The following KALRN variants were observed in gnomAD, a reference collection of about 807,000 sequenced individuals.
The protein encoded by KALRN is kalirin RhoGEF kinase.
A neutral mutation model predicts 353.7 loss-of-function variants in KALRN; 70 were observed. That is an observed-to-expected ratio of 0.20 (90% CI 0.16 to 0.24). The LOEUF (loss-of-function observed/expected upper bound fraction) is 0.24, where lower values mean the gene tolerates loss of function less well. KALRN is among the 10% of genes least tolerant of loss of function. The probability of loss-of-function intolerance (pLI) is 1.00; values close to 1 mark genes in which losing one functional copy is unlikely to be tolerated. For synonymous variants in KALRN, 1,391 were observed against 1,434.8 expected (o/e 0.97, Z 0.69); for missense variants, 2,791 against 3,756.7 (o/e 0.74, Z 6.72).
At position 124,054,775 on chromosome 3, in the gene KALRN, A is replaced by G. The variant is rs149366143; in HGVS notation, c.73+20962A>G. ...AGGAGCTTTGTGAGTTGTATGATAC[A>G]GTCTTCCTGAGAATGGTTATATATT... On this transcript the variant is annotated intron_variant, in intron 1 of 59. Coordinates refer to ENST00000682506, the MANE Select transcript of KALRN (RefSeq NM_001388419.1). Among the ~76,000 whole-genome samples, 1,063 of 152,348 alleles carry G rather than the reference A, an allele frequency of 7.0e-3. 8 individuals carry two copies. Among genetic ancestry groups the G allele is most frequent in the Middle Eastern group, 0.017 (5 of 294 alleles).
chr3:124,527,761 C>T (rs1202148262), intron 33 of KALRN, among the ~76,000 whole-genome samples: 2 of 152,056 alleles, frequency 1.3e-5, no homozygotes, highest in African/African-American at 4.8e-5. Flanking sequence ...AAGTGGGAAC[C>T]TCAAACTATT....
At chr3:124,298,431 G>A (rs928423816) in intron 5 of KALRN, among the ~76,000 whole-genome samples, 1 of 152,108 alleles carries the variant, frequency 6.6e-6, no homozygotes, top group South Asian at 2.1e-4. Context: ...CTACTAGTGC[G>A]GCAGGAGATG....
chr3:124,368,301 C>T (rs1315781417), intron 10 of KALRN, among the ~76,000 whole-genome samples: 4 of 143,464 alleles, frequency 2.8e-5, no homozygotes, highest in Non-Finnish European at 4.5e-5. Context: ...CCTCACTTCC[C>T]AGATGGGGTG....
At chr3:124,101,397 T>C (rs1412380514) in intron 1 of KALRN, among the ~76,000 whole-genome samples, 3 of 152,238 alleles carry the variant, frequency 2.0e-5, no homozygotes, top group Non-Finnish European at 2.9e-5. Flanking sequence ...GAAAAATCGT[T>C]TTCTGCCTTC....
chr3:124,135,391 G>A (rs548599639), intron 1 of KALRN, among the ~76,000 whole-genome samples: 65 of 152,206 alleles, frequency 4.3e-4, no homozygotes, highest in Non-Finnish European at 7.8e-4. Flanking sequence ...AGTGGGAGGG[G>A]GGCAAGGGAT....
At chr3:124,414,105 A>AC (rs141028892) in intron 14 of KALRN, among the ~76,000 whole-genome samples, 6,071 of 152,138 alleles carry the variant, frequency 0.04, 408 homozygotes, top group African/African-American at 0.14. Context: ...TGAAAAAAAA[A>AC]AGAAAAGAAA....
intron 33 of KALRN, among the ~76,000 whole-genome samples, chr3:124,555,158 C>A (rs1363566090): frequency 6.6e-6 from 1 of 152,068 alleles, no homozygotes; most frequent in East Asian, 1.9e-4. Context: ...GCAGAGATAA[C>A]TGGCAGGAGC....
intron 1 of KALRN, chr3:124,162,852 T>C (rs1018412517): frequency 6.6e-6 from 1 of 152,224 alleles, no homozygotes; most frequent in East Asian, 1.9e-4. Flanking sequence ...TGCATCTTCA[T>C]GTGTAGGAAG....
At position 124,690,507 on chromosome 3, in the gene KALRN, TAGAG is replaced by T. The variant is rs200806474; in HGVS notation, c.7378-3294_7378-3291del. On this transcript the variant is annotated intron_variant, in intron 51 of 59. Transcript: ENST00000682506. ...AAGGACTGAGTAGAGATAGGATAGATAGAGAGGTGGAGAGCAAAGATAAGCAGGT... is the reference window on the plus strand; with the variant it reads ...AAGGACTGAGTAGAGATAGGATAGATAGGTGGAGAGCAAAGATAAGCAGGT... 2.4e-4 allele frequency among the ~76,000 whole-genome samples: 36 copies of T among 152,276 alleles called. No homozygotes were observed. In the East Asian group the frequency reaches 6.4e-3, roughly 27 times the overall value.
At chr3:124,324,229 A>G (rs1305909813) in intron 6 of KALRN, among the ~76,000 whole-genome samples, 3 of 152,276 alleles carry the variant, frequency 2.0e-5, no homozygotes, top group Admixed American at 1.3e-4. Context: ...GTCTCTCCCA[A>G]ATAATTGTCT....
chr3:124,296,789 T>C (rs1166874020), intron 5 of KALRN, among the ~76,000 whole-genome samples: 1 of 152,250 alleles, frequency 6.6e-6, no homozygotes, highest in Non-Finnish European at 1.5e-5. Context: ...ATCCCAGTTC[T>C]GTCGCTTTGC....
intron 34 of KALRN, among the ~76,000 whole-genome samples, chr3:124,586,589 C>T (rs1013898437): frequency 3.3e-5 from 5 of 152,186 alleles, no homozygotes; most frequent in African/African-American, 4.8e-5. Flanking sequence ...CCTGTGAAGG[C>T]AGTGGCTGCT....
At chr3:124,302,632 C>A (rs543400886) in intron 6 of KALRN, among the ~76,000 whole-genome samples, 13 of 152,174 alleles carry the variant, frequency 8.5e-5, no homozygotes, top group Non-Finnish European at 1.5e-4. Flanking sequence ...GTGACCATTA[C>A]TGAGAGTATT....
intron 33 of KALRN, among the ~76,000 whole-genome samples, chr3:124,551,450 G>C (rs2070520353): frequency 6.6e-6 from 1 of 152,224 alleles, no homozygotes; most frequent in Non-Finnish European, 1.5e-5. Flanking sequence ...ACATGTGCTG[G>C]ATCTGGGGTG....
At chr3:124,718,343 G>A (rs192059067) in intron 59 of KALRN, among the ~76,000 whole-genome samples, 12 of 151,562 alleles carry the variant, frequency 7.9e-5, no homozygotes, top group East Asian at 1.9e-4. Context: ...GGATGGTCTC[G>A]AACTCCTGAC....
rs2042652958 is a variant in KALRN, at chr3:124,069,345, AGGAGGAGGAGGAGGAGGAGG to A, written c.73+35533_73+35552del. 2.0e-4 allele frequency among the ~76,000 whole-genome samples: 28 copies of A among 142,204 alleles called. 1 individual carries two copies. The East Asian group carries it at 3.4e-3, about 17-fold the overall frequency. 93.3% of individuals were successfully genotyped at this position (142,204 alleles called of 152,430 possible). ...GAGGAGGAGGAGGAGGAGGAGGAGG[AGGAGGAGGAGGAGGAGGAGG>A]AGGAGGAAATACTGAGGGAACCTGG... On this transcript the variant is annotated intron_variant, in intron 1 of 59. Coordinates refer to ENST00000682506, the MANE Select transcript of KALRN (RefSeq NM_001388419.1).
intron 4 of KALRN, among the ~76,000 whole-genome samples, chr3:124,265,298 C>CTTGTTTTTTTTTTTT (rs2073375450): frequency 1.4e-5 from 1 of 73,124 alleles, no homozygotes; most frequent in East Asian, 3.5e-4. Context: ...AGAAAATATT[C>CTTGTTTTTTTTTTTT]TTTTTTTTTT....
chr3:124,617,089 T>G (rs2149627075), intron 34 of KALRN, among the ~76,000 whole-genome samples: 1 of 152,150 alleles, frequency 6.6e-6, no homozygotes, highest in East Asian at 1.9e-4. Flanking sequence ...CCTAGCACTT[T>G]GGGAGGCTGA....
chr3:124,413,529 C>A lies in KALRN; in HGVS notation c.2406C>A (p.Asn802Lys). 3 of 1,614,164 alleles carry A rather than the reference C, an allele frequency of 1.9e-6. No homozygotes were observed. The South Asian group carries it at 3.3e-5, about 18-fold the overall frequency. Residue 802 changes from asparagine (N) to lysine (K), a missense_variant, in exon 14 of 60, where the codon AAC (asparagine) becomes AAA (lysine). Asn to Lys is a moderately conservative substitution (Grantham distance 94). Around this residue, in one of 11 missense-constraint regions of KALRN, gnomAD observed 452 missense variants for 575.8 expected, o/e 0.78. Transcript: ENST00000682506. ...EDLLRQMNDFNTEDLTLAEQR... is the reference protein window; with the variant it reads ...EDLLRQMNDFKTEDLTLAEQR... The stretch of plus-strand genomic sequence containing the variant: ...TGCTTCGGCAGATGAATGACTTCAA[C>A]ACAGAGGACCTAACCCTGGCAGAAC...
Sources: allele counts gnomAD v4.1 joint callset (sites outside exome capture counted in the v4.1 genomes callset), GRCh38; gene constraint gnomAD v4.1.1; regional missense constraint gnomAD v4.1.1; transcripts MANE v1.5; gene names NCBI Gene and HGNC (gene_info 2026-07-23, HGNC 2026-07-21).